The following SLC38A9 variants were observed in gnomAD, a reference collection of about 807,000 sequenced individuals.
SLC38A9 encodes neutral amino acid transporter 9.
In SLC38A9, 48 loss-of-function variants were observed where a neutral mutation model predicts 62.3. The observed-to-expected ratio is 0.77, with a 90% CI of 0.61 to 0.98. The LOEUF (loss-of-function observed/expected upper bound fraction) is 0.98. Ranked by LOEUF, SLC38A9 falls within the 50% of genes least tolerant of loss-of-function variation. The probability of loss-of-function intolerance (pLI) is 0.00; values close to 1 mark genes in which losing one functional copy is unlikely to be tolerated. For synonymous variants in SLC38A9, 204 were observed against 227.7 expected (o/e 0.90, Z 0.94); for missense variants, 541 against 679.8 (o/e 0.80, Z 2.27).
chr5:55,691,843 C>T (rs1286402585), intron 3 of SLC38A9, among the ~76,000 whole-genome samples: 1 of 152,142 alleles, frequency 6.6e-6, no homozygotes, highest in African/African-American at 2.4e-5. Flanking sequence ...TTTGAAAAAG[C>T]CCCCCAAATG....
chr5:55,691,411 A>G lies in SLC38A9; in HGVS notation c.113+6435T>C, dbSNP rs777166466. ...ATTCCTGCCCTGGGTAATACTGGGCATACAGAGAAGGATATGAAATCCCTA... is the reference window on the plus strand; with the variant it reads ...ATTCCTGCCCTGGGTAATACTGGGCGTACAGAGAAGGATATGAAATCCCTA... On this transcript the variant is annotated intron_variant, in intron 3 of 15. Transcript: ENST00000396865. 4.1e-6 allele frequency: 5 copies of G among 1,226,320 alleles called. No homozygotes were observed. In the South Asian group the frequency reaches 1.5e-4, roughly 37 times the overall value. 76.0% of individuals were successfully genotyped at this position (1,226,320 alleles called of 1,614,324 possible).
intron 12 of SLC38A9, among the ~76,000 whole-genome samples, chr5:55,636,144 AT>A (rs1282336861): frequency 6.6e-6 from 1 of 152,206 alleles, no homozygotes; most frequent in African/African-American, 2.4e-5. Context: ...ACTAAAATAT[AT>A]TTAATAAAGA....
At chr5:55,677,124 C>A (rs964919031) in intron 3 of SLC38A9, among the ~76,000 whole-genome samples, 1 of 152,052 alleles carries the variant, frequency 6.6e-6, no homozygotes, top group Non-Finnish European at 1.5e-5. Flanking sequence ...GGTATTTACT[C>A]CATGTAATGC....
At chr5:55,710,074 AAAAAAAAAAAAG>A (rs1443341423) in intron 2 of SLC38A9, among the ~76,000 whole-genome samples, 6 of 108,414 alleles carry the variant, frequency 5.5e-5, no homozygotes, top group African/African-American at 1.9e-4. Context: ...TCTCAAAAAA[AAAAAAAAAAAAG>A]AAAAAAAAAA....
chr5:55,669,906 T>A, intron 4 of SLC38A9, 27 bp from the exon 5 acceptor site: 2 of 1,568,072 alleles, frequency 1.3e-6, no homozygotes, highest in Non-Finnish European at 1.7e-6. Context: ...ATAGATAAAT[T>A]TCAGAACCAG....
chr5:55,643,625 A>G (rs1218006201), intron 12 of SLC38A9, among the ~76,000 whole-genome samples: 2 of 152,222 alleles, frequency 1.3e-5, no homozygotes, highest in Non-Finnish European at 2.9e-5. Flanking sequence ...AAGGAGGGTG[A>G]TAAAACGTCC....
At chr5:55,694,207 CAAAAA>C in intron 3 of SLC38A9, 27 of 170,902 alleles carry the variant, frequency 1.6e-4, no homozygotes, top group South Asian at 5.3e-4. Context: ...GACCCTGTCT[CAAAAA>C]AAAAAAAAAA....
chr5:55,697,718 G>T, intron 3 of SLC38A9, 128 bp downstream of exon 3: 1 of 448,226 alleles, frequency 2.2e-6, no homozygotes, highest in Non-Finnish European at 3.9e-6. Flanking sequence ...CTCTCCACAT[G>T]TATACACACA....
chr5:55,683,167 CAT>C (rs1753276937), intron 3 of SLC38A9, among the ~76,000 whole-genome samples: 1 of 152,106 alleles, frequency 6.6e-6, no homozygotes, highest in African/African-American at 2.4e-5. Context: ...CTAAAAACGT[CAT>C]AGAAAAGAAG....
At chr5:55,632,927 T>C (rs985856533) in intron 14 of SLC38A9, among the ~76,000 whole-genome samples, 1 of 152,130 alleles carries the variant, frequency 6.6e-6, no homozygotes, top group African/African-American at 2.4e-5. Context: ...AAGGACAATT[T>C]CCCCTGTATC....
chr5:55,708,895 A>G (rs1429229742), intron 2 of SLC38A9, among the ~76,000 whole-genome samples: 1 of 152,228 alleles, frequency 6.6e-6, no homozygotes, highest in Non-Finnish European at 1.5e-5. Flanking sequence ...AGCAGGCCAA[A>G]TTTGGTCATA....
rs138894224 is a variant in SLC38A9 at position 55,680,222 on chromosome 5, T to TAGAGAGAG, written c.114-7528_114-7527insCTCTCTCT. On this transcript the variant is annotated intron_variant, in intron 3 of 15. Coordinates refer to ENST00000396865, the MANE Select transcript of SLC38A9 (RefSeq NM_173514.4). ...AGGTTTCAGTGTATATATCTATATA[T>TAGAGAGAG]ATATAGAGAGAGAGAGATACATTTT... is the stretch of plus-strand genomic sequence containing the variant. Among the ~76,000 whole-genome samples the TAGAGAGAG allele has an allele frequency of 8.4e-3, 717 of 85,064 alleles. 6 individuals are homozygous for TAGAGAGAG. The highest frequency in any genetic ancestry group is 0.022 in the African/African-American group (675 of 30,400). 55.8% of individuals were successfully genotyped at this position (85,064 alleles called of 152,430 possible).
chr5:55,652,111 C>A (rs899540738), intron 10 of SLC38A9, among the ~76,000 whole-genome samples: 2 of 151,566 alleles, frequency 1.3e-5, no homozygotes, highest in African/African-American at 4.8e-5. Flanking sequence ...GTAATCCCAG[C>A]ACTTTGGGAG....
Position 55,697,919 on chromosome 5 carries a change from A to T in SLC38A9, c.40T>A (p.Ser14Thr). ...GGATCTCTTTCATGATCTACCTCAG[A>T]GGTGCCAAGATGCCTAGAATCACTA... ...MNSDSRHLGT[S>T]EVDHERDPGP... is the part of the protein sequence containing the mutation. The change falls in exon 3 of 16, where the codon TCT (serine) becomes ACT (threonine). Residue 14 changes from serine (S) to threonine (T), a missense_variant. Transcript: ENST00000396865. 1 of 1,604,226 alleles carries T rather than the reference A, an allele frequency of 6.2e-7. No individual in the cohort carries two copies. The highest frequency in any genetic ancestry group is 8.5e-7 in the Non-Finnish European group (1 of 1,176,634).
rs182124287 is a variant in SLC38A9, at chr5:55,630,608, G to A, written c.1431-2628C>T. Among the ~76,000 whole-genome samples, 520 of 152,162 alleles carry A rather than the reference G, an allele frequency of 3.4e-3. 1 individual carries two copies. The highest frequency in any genetic ancestry group is 5.7e-3 in the Non-Finnish European group (389 of 68,012). ...TGGGATTACAGGTGTGAGCCACCAC[G>A]AACGGCTAAATTAAAAATTTTTTGA... On this transcript the variant is annotated intron_variant, in intron 14 of 15. Coordinates refer to ENST00000396865, the MANE Select transcript of SLC38A9 (RefSeq NM_173514.4).
intron 2 of SLC38A9, among the ~76,000 whole-genome samples, chr5:55,701,938 A>T (rs1035606541): frequency 6.6e-6 from 1 of 152,138 alleles, no homozygotes; most frequent in East Asian, 1.9e-4. Flanking sequence ...GTTCTTTGTC[A>T]TTTCTTTCTC....
Position 55,710,202 on chromosome 5 carries a change from CTT to C in SLC38A9, c.-35+1248_-35+1249del, listed in dbSNP as rs34035874. 4.5e-3 allele frequency among the ~76,000 whole-genome samples: 623 copies of C among 139,112 alleles called. 1 individual carries two copies. The highest frequency in any genetic ancestry group is 7.6e-3 in the Admixed American group (108 of 14,124). The allele number at this position is 139,112 out of a possible 152,430, so 91.3% of individuals were successfully genotyped here. A position where few individuals can be genotyped will look rare whatever the true frequency, so the allele number is the denominator to read the frequency against. ...AACAAAGCAACTATATAGGTGACAACTTTTTTTTTTTTTTTTTTAAGACAGGA... is the reference window on the plus strand; with the variant it reads ...AACAAAGCAACTATATAGGTGACAACTTTTTTTTTTTTTTTTAAGACAGGA... On this transcript the variant is annotated intron_variant, in intron 2 of 15. Transcript: ENST00000396865.
chr5:55,695,559 T>C (rs1755391643), intron 3 of SLC38A9, among the ~76,000 whole-genome samples: 1 of 98,826 alleles, frequency 1.0e-5, no homozygotes, highest in African/African-American at 3.4e-5. Flanking sequence ...ACACAGCACA[T>C]GTTTCAGAGA....
chr5:55,707,726 A>G (rs139785236), intron 2 of SLC38A9, among the ~76,000 whole-genome samples: 167 of 152,372 alleles, frequency 1.1e-3, no homozygotes, highest in African/African-American at 3.8e-3. Context: ...TAAGGAGTCC[A>G]GCTATGATTT....
Sources: gnomAD v4.1 joint callset for allele counts (sites outside exome capture counted in the v4.1 genomes callset) on GRCh38, gnomAD v4.1.1 for gene constraint, MANE v1.5 for transcripts, NCBI Gene and HGNC (gene_info 2026-07-23, HGNC 2026-07-21) for gene names.